The following USP40 variants were observed in gnomAD, a reference collection of about 807,000 sequenced individuals.
USP40 encodes ubiquitin specific peptidase 40.
USP40 carries 143 observed loss-of-function variants against 166.2 expected under a neutral mutation model. The observed-to-expected ratio is 0.86, with a 90% CI of 0.75 to 0.99. The LOEUF is 0.99. Among genes scored for constraint, USP40 ranks in the 50% least tolerant of loss-of-function variants. The pLI, the probability that USP40 is intolerant of heterozygous loss-of-function variation, is 0.00. For missense variants in USP40, 1,444 were observed against 1,479.7 expected, an observed-to-expected ratio of 0.98 and a Z score of 0.40; for synonymous variants, 498 against 524.0, an observed-to-expected ratio of 0.95 and a Z score of 0.68.
At chr2:233,489,079 C>T (rs969234221) in intron 27 of USP40, among the ~76,000 whole-genome samples, 1 of 152,184 alleles carries the variant, frequency 6.6e-6, no homozygotes, top group African/African-American at 2.4e-5. Context: ...GAGTGAGAAA[C>T]AGCCACTCCT....
chr2:233,514,892 C>G (rs1456864945), intron 18 of USP40, among the ~76,000 whole-genome samples: 1 of 152,204 alleles, frequency 6.6e-6, no homozygotes, highest in Non-Finnish European at 1.5e-5. Flanking sequence ...CCCTAAAACT[C>G]CCTGTCAATT....
At chr2:233,542,414 C>T in intron 8 of USP40, 51 bp from the exon 9 acceptor site, 3 of 1,153,324 alleles carry the variant, frequency 2.6e-6, no homozygotes, top group South Asian at 1.4e-5. Context: ...TAAAAAGTAA[C>T]AAAATAGGAA....
chr2:233,481,673 G>A (rs535902207), intron 30 of USP40: 8 of 221,320 alleles, frequency 3.6e-5, no homozygotes, highest in East Asian at 1.3e-4. Context: ...TATAGACACC[G>A]TCAGTCTGTT....
chr2:233,494,918 A>ATT (rs2065585627), intron 24 of USP40, among the ~76,000 whole-genome samples: 1 of 44,390 alleles, frequency 2.3e-5, no homozygotes, highest in African/African-American at 8.8e-5. Flanking sequence ...AAAATGGCAT[A>ATT]TATATATATA....
At chr2:233,526,471 G>A (rs2068043433) in intron 13 of USP40, among the ~76,000 whole-genome samples, 1 of 152,050 alleles carries the variant, frequency 6.6e-6, no homozygotes, top group Admixed American at 6.6e-5. Flanking sequence ...TCCTGACACT[G>A]ATCTAGTATT....
At chr2:233,512,823 C>T (rs1249160722) in intron 18 of USP40, 3 of 296,148 alleles carry the variant, frequency 1.0e-5, no homozygotes, top group African/African-American at 4.4e-5. Context: ...AAAGAAAAAA[C>T]CCCCAAAATA....
chr2:233,562,915 T>C (rs1323981892), intron 2 of USP40, 112 bp from the exon 3 acceptor site: 23 of 733,524 alleles, frequency 3.1e-5, no homozygotes, highest in African/African-American at 1.1e-4. Context: ...AGAAATATGA[T>C]TGTGGCAATA....
intron 15 of USP40, among the ~76,000 whole-genome samples, chr2:233,523,832 C>A (rs1559252022): frequency 6.6e-6 from 1 of 152,048 alleles, no homozygotes; most frequent in Non-Finnish European, 1.5e-5. Flanking sequence ...ACCTCCAAAC[C>A]ACCCCCACTC....
intron 6 of USP40, 44 bp from the exon 7 acceptor site, chr2:233,551,563 T>C (rs771904873): frequency 6.6e-7 from 1 of 1,521,328 alleles, no homozygotes; most frequent in East Asian, 2.4e-5. Flanking sequence ...AACAGGGTTA[T>C]ATAAAAGGAT....
intron 25 of USP40, chr2:233,492,739 AG>A (rs1407795436): frequency 2.0e-5 from 3 of 152,272 alleles, no homozygotes; most frequent in Non-Finnish European, 4.4e-5. Context: ...TCAAGGCACT[AG>A]AAAAACTAAA....
chr2:233,516,929 G>A (rs1045741444), intron 18 of USP40, among the ~76,000 whole-genome samples: 3 of 151,172 alleles, frequency 2.0e-5, no homozygotes, highest in Non-Finnish European at 4.4e-5. Flanking sequence ...TATTTATTCA[G>A]GTCTTCTTAA....
At position 233,533,718 on chromosome 2, in the gene USP40, A is replaced by C; in HGVS notation, c.1232T>G (p.Leu411Trp). ...LSSDESTVRL[L>W]KNSSLQAESD... ...CTCAGCCTGGAGAGAACTATTCTTC[A>C]AGAGACGAACTGTACTTTCATCTGA... Residue 411 changes from leucine to tryptophan, a missense_variant, in exon 11 of 32, where the codon TTG (leucine) becomes TGG (tryptophan). Transcript: ENST00000678225. 1 of 1,613,370 alleles carries C rather than the reference A, an allele frequency of 6.2e-7. No homozygotes were observed. Among genetic ancestry groups the C allele is most frequent in the Non-Finnish European group, 8.5e-7 (1 of 1,179,638 alleles).
rs1396771372 is a variant in USP40, at chr2:233,527,446, T to C, written c.1686A>G (p.Lys562=). 6.2e-7 allele frequency: 1 copy of C among 1,613,634 alleles called. No homozygotes were observed. Among genetic ancestry groups the C allele is most frequent in the Non-Finnish European group, 8.5e-7 (1 of 1,179,788 alleles). ...GCCGGAGATCTCCTAAAGTTTTTCT[T>C]TTATCAAAGGTCAAATCCCACACGC... ...TESVWDLTFD[K]RKTLGDLRQS... is the part of the protein sequence containing the mutation. The change falls in exon 13 of 32, where the codon AAA becomes AAG. Residue 562 remains lysine, a synonymous_variant. Transcript: ENST00000678225.
intron 7 of USP40, among the ~76,000 whole-genome samples, chr2:233,549,955 T>C (rs891292653): frequency 6.6e-6 from 1 of 152,118 alleles, no homozygotes; most frequent in Non-Finnish European, 1.5e-5. Context: ...AAAGCTAATT[T>C]AGATTAAGAG....
At chr2:233,489,269 C>A in intron 27 of USP40, 96 bp downstream of exon 27, 4 of 1,197,030 alleles carry the variant, frequency 3.3e-6, no homozygotes, top group Non-Finnish European at 4.8e-6. Context: ...GCTTTGTTGT[C>A]ACTCAGCTCA....
intron 31 of USP40, among the ~76,000 whole-genome samples, chr2:233,477,961 C>T (rs937387860): frequency 2.0e-5 from 3 of 152,230 alleles, no homozygotes; most frequent in East Asian, 1.9e-4. Flanking sequence ...GACTGGCTTT[C>T]GCTGTGACCC....
At chr2:233,481,918 G>C (rs2064625042) in intron 30 of USP40, among the ~76,000 whole-genome samples, 1 of 152,204 alleles carries the variant, frequency 6.6e-6, no homozygotes, top group Non-Finnish European at 1.5e-5. Context: ...GGCGCACCCA[G>C]GAAGGGAAGT....
intron 21 of USP40, among the ~76,000 whole-genome samples, chr2:233,503,310 T>C (rs1230520001): frequency 1.3e-5 from 2 of 152,182 alleles, no homozygotes; most frequent in Non-Finnish European, 2.9e-5. Context: ...TTTCTCATTG[T>C]AGAAGTGCCA....
At chr2:233,489,612 C>T (rs931245164) in intron 26 of USP40, 129 bp from the exon 27 acceptor site, 8 of 743,074 alleles carry the variant, frequency 1.1e-5, no homozygotes, top group East Asian at 2.7e-5. Context: ...GTAATGATAA[C>T]ATCATTTTAA....
Sources: allele counts gnomAD v4.1 joint callset (sites outside exome capture counted in the v4.1 genomes callset), GRCh38; gene constraint gnomAD v4.1.1; transcripts MANE v1.5; gene names NCBI Gene and HGNC (gene_info 2026-07-23, HGNC 2026-07-21).